PLEKHO2: variants seen among roughly 807,000 people sequenced by gnomAD.
The protein encoded by PLEKHO2 is pleckstrin homology domain-containing family O member 2.
A neutral mutation model predicts 32.7 loss-of-function variants in PLEKHO2; 20 were observed. That is an observed-to-expected ratio of 0.61 (90% CI 0.43 to 0.89). The LOEUF is 0.89. PLEKHO2 is among the 40% of genes least tolerant of loss of function. PLEKHO2 has a pLI of 0.00. For missense variants in PLEKHO2, 568 were observed against 621.2 expected (o/e 0.91, Z 0.91); for synonymous variants, 247 against 246.3 (o/e 1.00, Z -0.03).
At chr15:64,861,294 C>A (rs2084638899) in intron 4 of PLEKHO2, among the ~76,000 whole-genome samples, 183 bp from the exon 5 acceptor site, 1 of 152,152 alleles carries the variant, frequency 6.6e-6, no homozygotes, top group African/African-American at 2.4e-5. Flanking sequence ...AGAGGGAGAG[C>A]CTCAGACTTT....
chr15:64,853,066 G>A (rs1360886077), intron 2 of PLEKHO2, among the ~76,000 whole-genome samples: 1 of 150,420 alleles, frequency 6.6e-6, no homozygotes, highest in African/African-American at 2.4e-5. Flanking sequence ...AGGTACCCAG[G>A]AGGCAGAGGT....
At chr15:64,852,312 T>C (rs950126981) in intron 2 of PLEKHO2, among the ~76,000 whole-genome samples, 2 of 152,082 alleles carry the variant, frequency 1.3e-5, no homozygotes, top group Admixed American at 1.3e-4. Context: ...ATCTGGAAGG[T>C]ACTGGAGGCT....
intron 1 of PLEKHO2, among the ~76,000 whole-genome samples, chr15:64,844,853 C>G (rs2084510923): frequency 6.6e-6 from 1 of 152,178 alleles, no homozygotes; most frequent in Admixed American, 6.5e-5. Context: ...GTGCATCCCT[C>G]TGGTTAAGTG....
At chr15:64,845,561 G>T (rs984439521) in intron 1 of PLEKHO2, among the ~76,000 whole-genome samples, 1 of 152,198 alleles carries the variant, frequency 6.6e-6, no homozygotes, top group Non-Finnish European at 1.5e-5. Flanking sequence ...GTCCTCCCCT[G>T]GGTGGCTGTT....
At chr15:64,855,548 C>A (rs1312366919) in intron 3 of PLEKHO2, among the ~76,000 whole-genome samples, 1 of 152,236 alleles carries the variant, frequency 6.6e-6, no homozygotes, top group East Asian at 1.9e-4. Context: ...AGCTTTCCTC[C>A]CCTTGCACTT....
intron 1 of PLEKHO2, among the ~76,000 whole-genome samples, chr15:64,845,712 C>T (rs891902989): frequency 2.6e-5 from 4 of 152,214 alleles, no homozygotes; most frequent in African/African-American, 4.8e-5. Context: ...GTAATCCAGT[C>T]ACAGTATTCT....
chr15:64,861,481 A>G lies in PLEKHO2; in HGVS notation c.389A>G (p.Lys130Arg). The G allele has an allele frequency of 6.3e-7, 1 of 1,598,026 alleles. No individual in the cohort carries two copies. The highest frequency in any genetic ancestry group is 1.3e-5 in the African/African-American group (1 of 74,816). The stretch of plus-strand genomic sequence containing the variant: ...TCTGGTTCCCCCTCCCTCCAGGTAA[A>G]GGTGGACAAGAGCTGCGCCCTGGAG... ...RGKNKAFDEV[K>R]VDKSCALEHV... The change falls in exon 5 of 6, where the codon AAG (lysine) becomes AGG (arginine). Residue 130 changes from lysine to arginine, a missense_variant. Transcript: ENST00000323544.
At chr15:64,856,335 G>GT (rs1391151268) in intron 3 of PLEKHO2, among the ~76,000 whole-genome samples, 2 of 152,094 alleles carry the variant, frequency 1.3e-5, no homozygotes, top group Non-Finnish European at 2.9e-5. Flanking sequence ...CCTTATGTGT[G>GT]TATCTTTTTT....
At chr15:64,852,435 G>T (rs2084575777) in intron 2 of PLEKHO2, among the ~76,000 whole-genome samples, 1 of 152,204 alleles carries the variant, frequency 6.6e-6, no homozygotes, top group Non-Finnish European at 1.5e-5. Context: ...TCTCTGAGGG[G>T]CTGACGAGAG....
chr15:64,845,334 A>G (rs900440772), intron 1 of PLEKHO2, among the ~76,000 whole-genome samples: 2 of 149,240 alleles, frequency 1.3e-5, no homozygotes. Context: ...GGGAGGGGAG[A>G]GGGCAAAACA....
At chr15:64,847,249 G>A (rs1488004771) in intron 1 of PLEKHO2, among the ~76,000 whole-genome samples, 5 of 152,210 alleles carry the variant, frequency 3.3e-5, no homozygotes, top group African/African-American at 7.2e-5. Flanking sequence ...GCTTACATCT[G>A]TCTGGGCTTG....
intron 1 of PLEKHO2, among the ~76,000 whole-genome samples, chr15:64,844,572 G>C (rs1396041496): frequency 6.6e-6 from 1 of 152,074 alleles, no homozygotes; most frequent in Non-Finnish European, 1.5e-5. Flanking sequence ...CTCTCCACTT[G>C]CCCTCACCAT....
chr15:64,859,664 T>C (rs561871146), intron 3 of PLEKHO2, among the ~76,000 whole-genome samples: 1 of 152,340 alleles, frequency 6.6e-6, no homozygotes, highest in South Asian at 2.1e-4. Flanking sequence ...ATCCGGGCTC[T>C]TTCCACAAGG....
At chr15:64,842,107 T>G in intron 1 of PLEKHO2, 79 bp downstream of exon 1, 8 of 1,171,524 alleles carry the variant, frequency 6.8e-6, no homozygotes, top group Non-Finnish European at 8.6e-6. Context: ...GCTCAGGCCC[T>G]CGTTCCTGCC....
chr15:64,866,219 C>T lies in PLEKHO2; in HGVS notation c.*331C>T, dbSNP rs1595834267. 4.3e-6 allele frequency: 2 copies of T among 467,914 alleles called. No individual in the cohort carries two copies. Among genetic ancestry groups the T allele is most frequent in the South Asian group, 1.8e-5 (1 of 54,376 alleles). 29.0% of individuals were successfully genotyped at this position (467,914 alleles called of 1,614,324 possible). Reference sequence around the variant, plus strand: ...GCTTTGGGGGCGGCACTTGGGGTTTCTGGGAATGACATCATCTCTGTTCCC... The same window carrying T: ...GCTTTGGGGGCGGCACTTGGGGTTTTTGGGAATGACATCATCTCTGTTCCC... On this transcript the variant is annotated 3_prime_UTR_variant, in exon 6 of 6. Coordinates refer to ENST00000323544, the MANE Select transcript of PLEKHO2 (RefSeq NM_025201.5).
At chr15:64,853,153 CA>C (rs1170024967) in intron 2 of PLEKHO2, among the ~76,000 whole-genome samples, 2 of 150,968 alleles carry the variant, frequency 1.3e-5, no homozygotes, top group South Asian at 2.1e-4. Context: ...AAACAAAAAA[CA>C]AAAAAAATTC....
intron 1 of PLEKHO2, 80 bp downstream of exon 1, chr15:64,842,108 C>T (rs72757636): frequency 0.02 from 23,311 of 1,160,746 alleles, 296 homozygotes; most frequent in Middle Eastern, 0.049. Context: ...CTCAGGCCCT[C>T]GTTCCTGCCC....
intron 5 of PLEKHO2, among the ~76,000 whole-genome samples, chr15:64,863,533 G>GTT (rs1478949962): frequency 2.6e-5 from 4 of 151,186 alleles, no homozygotes; most frequent in South Asian, 2.1e-4. Flanking sequence ...GTGTGTGTGT[G>GTT]TGTGTGTGTG....
chr15:64,853,139 A>AAAAAAAC (rs958782229), intron 2 of PLEKHO2, among the ~76,000 whole-genome samples: 2 of 151,340 alleles, frequency 1.3e-5, no homozygotes, highest in Non-Finnish European at 2.9e-5. Flanking sequence ...ACTCTGTCTC[A>AAAAAAAC]AAAAAACAAA....
Sources: allele counts gnomAD v4.1 joint callset (sites outside exome capture counted in the v4.1 genomes callset), GRCh38; gene constraint gnomAD v4.1.1; transcripts MANE v1.5; gene names NCBI Gene and HGNC (gene_info 2026-07-23, HGNC 2026-07-21).